Variants in NARF observed in about 807,000 individuals in gnomAD.
NARF encodes the protein nuclear prelamin A recognition factor.
A neutral mutation model predicts 48.0 loss-of-function variants in NARF; 41 were observed. The ratio of observed to expected loss-of-function variants is 0.85; its 90% CI spans 0.66 to 1.11. The LOEUF (loss-of-function observed/expected upper bound fraction) is 1.11. NARF is among the 50% of genes least tolerant of loss of function. The probability of loss-of-function intolerance (pLI) is 0.00; values close to 1 mark genes in which losing one functional copy is unlikely to be tolerated. For synonymous variants in NARF, 215 were observed against 225.5 expected (o/e 0.95, Z 0.42); for missense variants, 613 against 590.2 (o/e 1.04, Z -0.40).
Position 82,480,288 on chromosome 17 carries a change from C to T in NARF, c.640-794C>T, listed in dbSNP as rs1348213552. On this transcript the variant is annotated intron_variant, in intron 6 of 10. Coordinates refer to ENST00000309794, the MANE Select transcript of NARF (RefSeq NM_012336.4). ...GTCTGTGGGTGAAGTAGCCAGCGCGCGCACACACACACACACACACACACT... is the reference window on the plus strand; with the variant it reads ...GTCTGTGGGTGAAGTAGCCAGCGCGTGCACACACACACACACACACACACT... 1.4e-5 allele frequency: 5 copies of T among 360,902 alleles called. No homozygotes were observed. In the South Asian group the frequency reaches 4.6e-4, roughly 34 times the overall value. The allele number at this position is 360,902 out of a possible 1,614,324, so 22.4% of individuals were successfully genotyped here.
intron 2 of NARF, 72 bp downstream of exon 2, chr17:82,460,144 C>G: frequency 7.7e-7 from 1 of 1,293,138 alleles, no homozygotes; most frequent in Non-Finnish European, 1.1e-6. Flanking sequence ...TGGGGGCTCA[C>G]AGCACCGTGC....
At chr17:82,464,221 C>T (rs887079998) in intron 2 of NARF, 66 bp from the exon 3 acceptor site, 1 of 1,560,372 alleles carries the variant, frequency 6.4e-7, no homozygotes, top group Non-Finnish European at 8.7e-7. Flanking sequence ...TGGGTGTTAC[C>T]CTCTCTAAAG....
In NARF at chr17:82,487,318, T is replaced by C. The variant is rs140347537; in HGVS notation, c.1130-598T>C. ...GGCCAACATGGTAAAACCCTGTCTC[T>C]ACTAAAAATACAAAAATTAGCCGGG... On this transcript the variant is annotated intron_variant, in intron 10 of 10. Coordinates refer to ENST00000309794, the MANE Select transcript of NARF (RefSeq NM_012336.4). 3.3e-3 allele frequency among the ~76,000 whole-genome samples: 502 copies of C among 152,062 alleles called. 2 individuals are homozygous for C. Among genetic ancestry groups the C allele is most frequent in the Non-Finnish European group, 5.8e-3 (394 of 67,982 alleles).
At chr17:82,464,082 G>T in intron 2 of NARF, 1 of 559,092 alleles carries the variant, frequency 1.8e-6, no homozygotes, top group Non-Finnish European at 3.1e-6. Flanking sequence ...ATTGTGGGCT[G>T]GGCCCTGTGT....
At position 82,488,592 on chromosome 17, in the gene NARF, A is replaced by C. The variant is rs1023907955; in HGVS notation, c.*435A>C. The C allele has an allele frequency of 3.7e-5, 6 of 164,364 alleles. No homozygotes were observed. The highest frequency in any genetic ancestry group is 1.7e-4 in the East Asian group (1 of 5,826). 10.2% of individuals were successfully genotyped at this position (164,364 alleles called of 1,614,324 possible). ...GTTTCACTATGTTGGCCAGGCTGGT[A>C]TTGAATTCCTGACCTCCTGATCCAC... On this transcript the variant is annotated 3_prime_UTR_variant, in exon 11 of 11. Transcript: ENST00000309794.
At chr17:82,474,872 GTTAGT>G (rs2043798786) in intron 5 of NARF, among the ~76,000 whole-genome samples, 1 of 152,188 alleles carries the variant, frequency 6.6e-6, no homozygotes, top group Non-Finnish European at 1.5e-5. Flanking sequence ...GGACAGGGAT[GTTAGT>G]GACTTCTTTC....
At chr17:82,462,986 A>G (rs2043474359) in intron 2 of NARF, 1 of 152,192 alleles carries the variant, frequency 6.6e-6, no homozygotes, top group African/African-American at 2.4e-5. Context: ...TTAGAAGCAC[A>G]AACTCTTGAG....
intron 1 of NARF, among the ~76,000 whole-genome samples, chr17:82,459,640 CG>C (rs1440502553): frequency 4.6e-5 from 7 of 152,068 alleles, no homozygotes; most frequent in Admixed American, 4.6e-4. Flanking sequence ...GAGGCCGAGG[CG>C]GGTGGATCAC....
rs148473805 is a variant in NARF, at chr17:82,474,163, A to C, written c.520+1465A>C. 1.2e-3 allele frequency among the ~76,000 whole-genome samples: 182 copies of C among 152,350 alleles called. 1 individual carries two copies. The East Asian group carries it at 0.029, about 24-fold the overall frequency. ...TCCATTGTACTCCAGCCTGGGCGAA[A>C]GACTGAGGTCCTGTCTCTTAAGAAA... On this transcript the variant is annotated intron_variant, in intron 5 of 10. Transcript: ENST00000309794.
Position 82,481,183 on chromosome 17 carries a change from C to G in NARF, c.741C>G (p.Ser247=). ...GCCTTCCCCCTGCTTTGCATGGCTCCCGGGGCGCTGACTGCGTGTTAACAT... is the reference window on the plus strand; with the variant it reads ...GCCTTCCCCCTGCTTTGCATGGCTCGCGGGGCGCTGACTGCGTGTTAACAT... ...QESLPPALHG[S]RGADCVLTSG... is the part of the protein sequence containing the mutation. Residue 247 remains serine, a synonymous_variant, in exon 7 of 11, where the codon TCC becomes TCG. Coordinates refer to ENST00000309794, the MANE Select transcript of NARF (RefSeq NM_012336.4). The G allele has an allele frequency of 1.2e-6, 2 of 1,614,088 alleles. No homozygotes were observed. The highest frequency in any genetic ancestry group is 1.7e-6 in the Non-Finnish European group (2 of 1,180,022).
intron 1 of NARF, chr17:82,459,187 C>T: frequency 9.4e-7 from 1 of 1,069,288 alleles, no homozygotes. Context: ...CGTTTTCGAA[C>T]CTGCCCCTCT....
chr17:82,481,326 C>G, intron 7 of NARF, 115 bp downstream of exon 7: 2 of 1,492,802 alleles, frequency 1.3e-6, no homozygotes, highest in Non-Finnish European at 9.0e-7. Flanking sequence ...CCAATGTGGT[C>G]GCTTGTCTGA....
At chr17:82,466,510 T>G (rs9891900) in intron 3 of NARF, among the ~76,000 whole-genome samples, 20,961 of 152,092 alleles carry the variant, frequency 0.14, 1,794 homozygotes, top group Admixed American at 0.26. Flanking sequence ...TGGGGTGCAG[T>G]GTCGTGATCT....
intron 3 of NARF, 103 bp from the exon 4 acceptor site, chr17:82,468,661 A>G (rs2043626515): frequency 3.5e-6 from 4 of 1,129,514 alleles, no homozygotes; most frequent in Non-Finnish European, 5.0e-6. Context: ...TAGTCTTTGC[A>G]TAGACCATCT....
chr17:82,468,339 A>G (rs562050720), intron 3 of NARF, among the ~76,000 whole-genome samples: 2 of 151,312 alleles, frequency 1.3e-5, no homozygotes, highest in Non-Finnish European at 2.9e-5. Context: ...AGCCTGGGCA[A>G]CAAGGGTGAA....
At position 82,458,902 on chromosome 17, in the gene NARF, G is replaced by A. The variant is rs528819062; in HGVS notation, c.27+72G>A. ...GGGGCTCTGGGCGGCCGAGGTTGGCGGTCCGGGCCCGCCGCTCGCTCGCTT... is the reference window on the plus strand; with the variant it reads ...GGGGCTCTGGGCGGCCGAGGTTGGCAGTCCGGGCCCGCCGCTCGCTCGCTT... On this transcript the variant is annotated intron_variant, in intron 1 of 10. Transcript: ENST00000309794. The A allele has an allele frequency of 4.7e-6, 6 of 1,288,664 alleles. No individual in the cohort carries two copies. The South Asian group carries it at 9.7e-5, about 21-fold the overall frequency. The allele number at this position is 1,288,664 out of a possible 1,614,324, so 79.8% of individuals were successfully genotyped here. A position where few individuals can be genotyped will look rare whatever the true frequency, so the allele number is the denominator to read the frequency against.
chr17:82,463,273 T>C (rs890600417), intron 2 of NARF: 6 of 152,150 alleles, frequency 3.9e-5, no homozygotes, highest in African/African-American at 1.2e-4. Context: ...ATCCACCAGT[T>C]ATTTATTGAG....
At chr17:82,478,539 C>T (rs1429002268) in intron 5 of NARF, 8 of 554,120 alleles carry the variant, frequency 1.4e-5, no homozygotes, top group South Asian at 4.6e-5. Context: ...GGACCTGTTA[C>T]TCCGACTCTT....
chr17:82,483,594 T>A, intron 7 of NARF, 122 bp from the exon 8 acceptor site: 1 of 817,932 alleles, frequency 1.2e-6, no homozygotes, highest in Non-Finnish European at 2.1e-6. Flanking sequence ...TCCTGCTGTG[T>A]GTGATGGAGA....
Sources: gnomAD v4.1 joint callset for allele counts (sites outside exome capture counted in the v4.1 genomes callset) on GRCh38, gnomAD v4.1.1 for gene constraint, MANE v1.5 for transcripts, NCBI Gene and HGNC (gene_info 2026-07-23, HGNC 2026-07-21) for gene names.